ARHGEF18: variants seen among roughly 807,000 people sequenced by gnomAD.
The protein encoded by ARHGEF18 is Rho/Rac guanine nucleotide exchange factor 18.
A neutral mutation model predicts 155.7 loss-of-function variants in ARHGEF18; 93 were observed. The ratio of observed to expected loss-of-function variants is 0.60; its 90% CI spans 0.50 to 0.71. ARHGEF18 has a LOEUF of 0.71. Ranked by LOEUF, ARHGEF18 falls within the 30% of genes least tolerant of loss-of-function variation. The pLI, the probability that ARHGEF18 is intolerant of heterozygous loss-of-function variation, is 0.00. For missense variants in ARHGEF18, 1,593 were observed against 1,816.1 expected (o/e 0.88, Z 2.23); for synonymous variants, 742 against 753.1 (o/e 0.99, Z 0.24).
chr19:7,369,748 T>C (rs2145388548), intron 2 of ARHGEF18, among the ~76,000 whole-genome samples: 1 of 151,856 alleles, frequency 6.6e-6, no homozygotes, highest in African/African-American at 2.4e-5. Flanking sequence ...AGTGAGCTGA[T>C]ACTATGCCAT....
At chr19:7,362,706 G>A (rs1444134586) in intron 1 of ARHGEF18, 75 bp from the exon 2 acceptor site, 1 of 1,208,924 alleles carries the variant, frequency 8.3e-7, no homozygotes, top group African/African-American at 1.7e-5. Context: ...ACCAGCAACA[G>A]ATGCAGAATC....
chr19:7,415,665 C>T (rs891971842), intron 10 of ARHGEF18, among the ~76,000 whole-genome samples: 1 of 152,000 alleles, frequency 6.6e-6, no homozygotes, highest in Non-Finnish European at 1.5e-5. Flanking sequence ...CTCTCCCTCC[C>T]TCCCTGAAGC....
In ARHGEF18 at chr19:7,395,423, A is replaced by G. The variant is rs1167238743; in HGVS notation, c.967+12220A>G. Reference sequence around the variant, plus strand: ...TGCTGGGGTGCAGGCTGCTCCTTCAATGCATGGAGGCTCTAGGCGGCGATT... The same window carrying G: ...TGCTGGGGTGCAGGCTGCTCCTTCAGTGCATGGAGGCTCTAGGCGGCGATT... On this transcript the variant is annotated intron_variant, in intron 10 of 28. Transcript: ENST00000668164. This position sits in a 1 kb window ranked among gnomAD's most constrained non-coding sequence, Gnocchi z 5.0. 6.6e-6 allele frequency among the ~76,000 whole-genome samples: 1 copy of G among 151,546 alleles called. No individual in the cohort carries two copies. Among genetic ancestry groups the G allele is most frequent in the African/African-American group, 2.4e-5 (1 of 41,364 alleles).
In ARHGEF18 at chr19:7,463,731, A is replaced by T. The variant is rs1178496570; in HGVS notation, c.2636-87A>T. 6.9e-7 allele frequency: 1 copy of T among 1,445,108 alleles called. No individual in the cohort carries two copies. The highest frequency in any genetic ancestry group is 9.2e-7 in the Non-Finnish European group (1 of 1,085,258). 89.5% of individuals were successfully genotyped at this position (1,445,108 alleles called of 1,614,324 possible). ...ACCACCCCAGTGAGTCCCTCCGTCCACCCGGGTCTCGCTGCCCCAGCGCTC... is the reference window on the plus strand; with the variant it reads ...ACCACCCCAGTGAGTCCCTCCGTCCTCCCGGGTCTCGCTGCCCCAGCGCTC... On this transcript the variant is annotated intron_variant, in intron 21 of 28. Coordinates refer to ENST00000668164, the MANE Select transcript of ARHGEF18 (RefSeq NM_001367823.1). The surrounding 1 kb of genome is among the most constrained non-coding windows in gnomAD (Gnocchi z 5.2).
chr19:7,471,122 G>C lies in ARHGEF18; in HGVS notation c.*824G>C. The C allele has an allele frequency of 6.9e-6, 2 of 288,394 alleles. No homozygotes were observed. Among genetic ancestry groups the C allele is most frequent in the Non-Finnish European group, 1.3e-5 (2 of 156,516 alleles). The allele number at this position is 288,394 out of a possible 1,614,324, so 17.9% of individuals were successfully genotyped here. A position where few individuals can be genotyped will look rare whatever the true frequency, so the allele number is the denominator to read the frequency against. ...GGAGCGGGCCTCTAGCTTCAGCCAG[G>C]GCGGGTACACACCCTGGGCACAGGG... On this transcript the variant is annotated 3_prime_UTR_variant, in exon 29 of 29. Coordinates refer to ENST00000668164, the MANE Select transcript of ARHGEF18 (RefSeq NM_001367823.1). This position sits in a 1 kb window ranked among gnomAD's most constrained non-coding sequence, Gnocchi z 4.4.
chr19:7,478,520 AC>A, the ARHGEF18 span: 3 of 833,232 alleles, frequency 3.6e-6, no homozygotes, highest in East Asian at 8.0e-5. Context: ...ACAGTCCCAC[AC>A]CCTCCTGGCT....
At chr19:7,437,092 C>T (rs1044183806) in intron 10 of ARHGEF18, among the ~76,000 whole-genome samples, 1 of 152,282 alleles carries the variant, frequency 6.6e-6, no homozygotes, top group East Asian at 1.9e-4. Flanking sequence ...AACACACACT[C>T]ACCTGCTCGT....
chr19:7,355,802 TAC>T, intron 1 of ARHGEF18: 1 of 762,676 alleles, frequency 1.3e-6, no homozygotes, highest in Non-Finnish European at 1.6e-6. Context: ...TTGGCTGCAG[TAC>T]AGACTCTGCT....
chr19:7,414,742 G>A (rs2145639752), intron 10 of ARHGEF18, among the ~76,000 whole-genome samples: 1 of 152,162 alleles, frequency 6.6e-6, no homozygotes, highest in African/African-American at 2.4e-5. Flanking sequence ...CCGGGAGGTG[G>A]AGGTTGCAGT....
chr19:7,475,350 G>A (rs966366310), downstream of ARHGEF18, among the ~76,000 whole-genome samples: 13 of 152,292 alleles, frequency 8.5e-5, no homozygotes, highest in African/African-American at 3.1e-4. Context: ...ACCAAGCCTG[G>A]GGGCTGCGGG....
At chr19:7,390,075 A>G (rs1240969041) in intron 10 of ARHGEF18, among the ~76,000 whole-genome samples, 1 of 152,128 alleles carries the variant, frequency 6.6e-6, no homozygotes, top group Non-Finnish European at 1.5e-5. Context: ...ACTCGCCTAT[A>G]ATCCTAGCTA....
At chr19:7,431,252 C>T (rs751577755) in intron 10 of ARHGEF18, among the ~76,000 whole-genome samples, 6 of 152,112 alleles carry the variant, frequency 3.9e-5, no homozygotes, top group Non-Finnish European at 7.3e-5. Context: ...CACGGTGGCT[C>T]ACCCCTGTAA....
At chr19:7,477,786 C>T in the ARHGEF18 span, among the ~76,000 whole-genome samples, 12 of 152,340 alleles carry the variant, frequency 7.9e-5, no homozygotes, top group South Asian at 2.1e-4. Flanking sequence ...TGTGCCTGCC[C>T]GGCCTTTCTT....
At chr19:7,461,777 G>A (rs541907036) in intron 20 of ARHGEF18, among the ~76,000 whole-genome samples, 11 of 152,162 alleles carry the variant, frequency 7.2e-5, no homozygotes, top group Admixed American at 3.9e-4. Context: ...GGGCTCAAGC[G>A]ATCCTCCTGC....
At chr19:7,409,930 C>T (rs1972574188) in intron 10 of ARHGEF18, among the ~76,000 whole-genome samples, 1 of 146,728 alleles carries the variant, frequency 6.8e-6, no homozygotes, top group Non-Finnish European at 1.5e-5. Flanking sequence ...CCTGCCACCA[C>T]ACCCGGCTAA....
At position 7,422,716 on chromosome 19, in the gene ARHGEF18, CTTTTTTTTTT is replaced by C. The variant is rs67634093; in HGVS notation, c.968-17617_968-17608del. Among the ~76,000 whole-genome samples the C allele has an allele frequency of 9.9e-5, 11 of 111,214 alleles. No individual in the cohort carries two copies. The East Asian group carries it at 2.5e-3, about 25-fold the overall frequency. 73.0% of individuals were successfully genotyped at this position (111,214 alleles called of 152,430 possible). On this transcript the variant is annotated intron_variant, in intron 10 of 28. Coordinates refer to ENST00000668164, the MANE Select transcript of ARHGEF18 (RefSeq NM_001367823.1). ...CACAACAAAATGTGTTCTAACTTTT[CTTTTTTTTTT>C]TTTTTTTTTTGAGATGGAGTCTCAC...
At chr19:7,415,260 G>A (rs1972937336) in intron 10 of ARHGEF18, among the ~76,000 whole-genome samples, 1 of 151,794 alleles carries the variant, frequency 6.6e-6, no homozygotes, top group Non-Finnish European at 1.5e-5. Context: ...AGCACCTTAG[G>A]CCCAAATGTC....
chr19:7,391,026 G>A (rs1454295256), intron 10 of ARHGEF18, among the ~76,000 whole-genome samples: 3 of 151,944 alleles, frequency 2.0e-5, no homozygotes, highest in Non-Finnish European at 4.4e-5. Flanking sequence ...TTGACAGAGT[G>A]AGACTCTGTC....
intron 23 of ARHGEF18, among the ~76,000 whole-genome samples, chr19:7,466,149 C>G (rs1976592058): frequency 6.6e-6 from 1 of 151,598 alleles, no homozygotes. Flanking sequence ...TTTGGGAAGC[C>G]AAGGCAGGTG....
Sources: gnomAD v4.1 joint callset for allele counts (sites outside exome capture counted in the v4.1 genomes callset) on GRCh38, gnomAD v4.1.1 for gene constraint, Gnocchi (gnomAD v3.1) non-coding constraint, MANE v1.5 for transcripts, NCBI Gene and HGNC (gene_info 2026-07-23, HGNC 2026-07-21) for gene names.